Variants in ITSN2 observed in about 807,000 individuals in gnomAD.
ITSN2 encodes the protein intersectin-2.
ITSN2 carries 156 observed loss-of-function variants against 243.7 expected under a neutral mutation model. The ratio of observed to expected loss-of-function variants is 0.64; its 90% confidence interval spans 0.56 to 0.73. The LOEUF (loss-of-function observed/expected upper bound fraction) is 0.73. Among genes scored for constraint, ITSN2 ranks in the 30% least tolerant of loss-of-function variants. The pLI is 0.00. For missense variants in ITSN2, 1,801 were observed against 1,996.1 expected (o/e 0.90, Z 1.86); for synonymous variants, 703 against 699.9 (o/e 1.00, Z -0.07).
chr2:24,355,930 T>C (rs1333899159), intron 1 of ITSN2, among the ~76,000 whole-genome samples: 2 of 151,740 alleles, frequency 1.3e-5, no homozygotes, highest in African/African-American at 4.8e-5. Context: ...AGGCCAGGCA[T>C]AGTGGCTCAC....
At chr2:24,314,578 T>C (rs1342313900) in intron 3 of ITSN2, among the ~76,000 whole-genome samples, 1 of 152,214 alleles carries the variant, frequency 6.6e-6, no homozygotes, top group Admixed American at 6.5e-5. Flanking sequence ...AAAAATTCAA[T>C]AAATATCATT....
Position 24,337,327 on chromosome 2 carries a change from T to TATACATATATAC in ITSN2, c.-33-9213_-33-9212insGTATATATGTAT, listed in dbSNP as rs1553395933. Among the ~76,000 whole-genome samples the TATACATATATAC allele has an allele frequency of 3.3e-4, 32 of 97,374 alleles. 2 individuals are homozygous for TATACATATATAC. The South Asian group carries it at 4.7e-3, about 14-fold the overall frequency. 63.9% of individuals were successfully genotyped at this position (97,374 alleles called of 152,430 possible). On this transcript the variant is annotated intron_variant, in intron 1 of 39. Coordinates refer to ENST00000355123, the MANE Select transcript of ITSN2 (RefSeq NM_006277.3). ...TGTGTATACACAAAATATATATATA[T>TATACATATATAC]ATATATATATATATATATATATATA...
chr2:24,223,761 G>A lies in ITSN2; in HGVS notation c.3578-2695C>T, dbSNP rs1297036431. 2.7e-5 allele frequency among the ~76,000 whole-genome samples: 4 copies of A among 148,532 alleles called. No homozygotes were observed. In the East Asian group the frequency reaches 5.9e-4, roughly 22 times the overall value. On this transcript the variant is annotated intron_variant, in intron 29 of 39. Coordinates refer to ENST00000355123, the MANE Select transcript of ITSN2 (RefSeq NM_006277.3). ...GAATGTAAGGGGAAAGGGAAGGGGA[G>A]GGGAGGGGAGGGGAGTGAGGGAAGA...
rs375427915 is a variant in ITSN2 at position 24,343,254 on chromosome 2, A to G, written c.-33-15139T>C. Among the ~76,000 whole-genome samples, 26 of 152,306 alleles carry G rather than the reference A, an allele frequency of 1.7e-4. No individual in the cohort carries two copies. In the South Asian group the frequency reaches 4.6e-3, roughly 27 times the overall value. On this transcript the variant is annotated intron_variant, in intron 1 of 39. Coordinates refer to ENST00000355123, the MANE Select transcript of ITSN2 (RefSeq NM_006277.3). ...ACATTAAAAAATATATATATAATAG[A>G]AAGTGAAAGTCCATTACCAAGAAAA...
At chr2:24,213,639 G>A (rs746791989) in intron 32 of ITSN2, among the ~76,000 whole-genome samples, 42 of 152,124 alleles carry the variant, frequency 2.8e-4, no homozygotes, top group Non-Finnish European at 4.7e-4. Flanking sequence ...ACCTATAGCA[G>A]GCCTTTCATG....
At chr2:24,230,452 A>C (rs1367578102) in intron 29 of ITSN2, among the ~76,000 whole-genome samples, 1 of 152,112 alleles carries the variant, frequency 6.6e-6, no homozygotes, top group East Asian at 1.9e-4. Flanking sequence ...GTTAAAACAC[A>C]CCAGATCATG....
chr2:24,301,956 C>A lies in ITSN2; in HGVS notation c.995+9G>T, dbSNP rs752966566. 1 of 1,602,184 alleles carries A rather than the reference C, an allele frequency of 6.2e-7. No homozygotes were observed. The highest frequency in any genetic ancestry group is 8.5e-7 in the Non-Finnish European group (1 of 1,173,968). On this transcript the variant is annotated intron_variant, in intron 10 of 39. Transcript: ENST00000355123. ...AAAACCATAGTTCTCCACCTCCAGG[C>A]ACACTCACCTGAAAGATGGAGGAAC...
intron 32 of ITSN2, among the ~76,000 whole-genome samples, chr2:24,215,015 T>C (rs561708216): frequency 1.1e-3 from 161 of 152,362 alleles, no homozygotes; most frequent in Non-Finnish European, 1.7e-3. Context: ...ACAACATCAA[T>C]GCAAATAACT....
Position 24,220,995 on chromosome 2 carries a change from G to A in ITSN2, c.3649C>T (p.Leu1217=). 6.2e-7 allele frequency: 1 copy of A among 1,610,200 alleles called. No homozygotes were observed. Among genetic ancestry groups the A allele is most frequent in the Non-Finnish European group, 8.5e-7 (1 of 1,178,584 alleles). ...ATGTACCGCTCTTCGGTCTGAATCA[G>A]CTCATGAATATAGCCCTGTCTTTTC... ...ERKRQGYIHE[L]IQTEERYMAD... is the part of the protein sequence containing the mutation. The change falls in exon 30 of 40, where the codon CTG becomes TTG. Residue 1217 remains leucine (L), a synonymous_variant. Coordinates refer to ENST00000355123, the MANE Select transcript of ITSN2 (RefSeq NM_006277.3).
intron 29 of ITSN2, among the ~76,000 whole-genome samples, chr2:24,238,018 C>T (rs1445431651): frequency 5.3e-5 from 8 of 152,052 alleles, no homozygotes; most frequent in Admixed American, 5.2e-4. Flanking sequence ...CCCCACCATG[C>T]CATTTCTTGT....
chr2:24,312,158 C>T, intron 5 of ITSN2, 54 bp downstream of exon 5: 5 of 1,387,266 alleles, frequency 3.6e-6, no homozygotes, highest in East Asian at 2.5e-5. Flanking sequence ...TCAAATATGC[C>T]TAGGGATAAA....
At chr2:24,230,942 C>T (rs1420844178) in intron 29 of ITSN2, among the ~76,000 whole-genome samples, 7 of 152,062 alleles carry the variant, frequency 4.6e-5, no homozygotes, top group East Asian at 1.9e-4. Context: ...CTCTTCCCAC[C>T]GCACAGGCCT....
At chr2:24,244,596 CTT>C (rs2151278637) in intron 29 of ITSN2, among the ~76,000 whole-genome samples, 1 of 152,300 alleles carries the variant, frequency 6.6e-6, no homozygotes, top group East Asian at 1.9e-4. Context: ...TCTGAAAAGT[CTT>C]TTCCATTCTC....
intron 7 of ITSN2, among the ~76,000 whole-genome samples, chr2:24,310,015 C>T (rs1304865223): frequency 3.3e-5 from 5 of 152,004 alleles, no homozygotes; most frequent in African/African-American, 4.8e-5. Context: ...GAAAAGTACA[C>T]AGCTTTAGGC....
intron 29 of ITSN2, among the ~76,000 whole-genome samples, chr2:24,230,234 C>T (rs1473120532): frequency 3.3e-5 from 5 of 152,348 alleles, no homozygotes; most frequent in Admixed American, 6.5e-5. Flanking sequence ...CAGCTGCTCA[C>T]GCCACCTGAT....
intron 20 of ITSN2, among the ~76,000 whole-genome samples, chr2:24,266,436 T>C (rs1001087503): frequency 6.6e-6 from 1 of 152,188 alleles, no homozygotes; most frequent in Admixed American, 6.5e-5. Flanking sequence ...TAAATAATTC[T>C]CATTTTAATG....
chr2:24,296,188 T>C (rs906591643), intron 13 of ITSN2, among the ~76,000 whole-genome samples: 2 of 152,252 alleles, frequency 1.3e-5, no homozygotes, highest in African/African-American at 4.8e-5. Flanking sequence ...TGAACTTCTA[T>C]TTCTACCCTA....
intron 17 of ITSN2, among the ~76,000 whole-genome samples, chr2:24,283,220 TTTTC>T (rs1679040418): frequency 6.6e-6 from 1 of 151,928 alleles, no homozygotes; most frequent in Non-Finnish European, 1.5e-5. Context: ...CAATGGATAT[TTTTC>T]TTTTTCTTTT....
At chr2:24,341,833 G>T (rs1001959560) in intron 1 of ITSN2, among the ~76,000 whole-genome samples, 2 of 152,130 alleles carry the variant, frequency 1.3e-5, no homozygotes, top group African/African-American at 4.8e-5. Context: ...CAGCCTGGGC[G>T]ACAGAGCAAG....
Sources: allele counts gnomAD v4.1 joint callset (sites outside exome capture counted in the v4.1 genomes callset), GRCh38; gene constraint gnomAD v4.1.1; transcripts MANE v1.5; gene names NCBI Gene and HGNC (gene_info 2026-07-23, HGNC 2026-07-21).